SYT1: variants seen among roughly 807,000 people sequenced by gnomAD.
SYT1 encodes the protein synaptotagmin-1.
A neutral mutation model predicts 44.8 loss-of-function variants in SYT1; 8 were observed. The observed-to-expected ratio is 0.18, with a 90% CI of 0.10 to 0.32. The LOEUF is 0.32. Ranked by LOEUF, SYT1 falls within the 10% of genes least tolerant of loss-of-function variation. The probability of loss-of-function intolerance (pLI) is 1.00; values close to 1 mark genes in which losing one functional copy is unlikely to be tolerated. For synonymous variants in SYT1, 154 were observed against 188.8 expected (o/e 0.82, Z 1.51); for missense variants, 286 against 509.3 (o/e 0.56, Z 4.22).
chr12:79,314,792 AG>A (rs1881002130), intron 8 of SYT1, among the ~76,000 whole-genome samples: 2 of 152,212 alleles, frequency 1.3e-5, no homozygotes, highest in Non-Finnish European at 1.5e-5. Context: ...TTTTCATAAC[AG>A]CCAAAAAAGT....
chr12:79,443,407 C>T (rs563373045), intron 9 of SYT1, among the ~76,000 whole-genome samples: 5 of 152,306 alleles, frequency 3.3e-5, no homozygotes, highest in African/African-American at 9.6e-5. Flanking sequence ...TTTTCTCTTA[C>T]AGAGCACTCT....
intron 4 of SYT1, among the ~76,000 whole-genome samples, chr12:79,233,896 C>T (rs1286574813): frequency 6.6e-6 from 1 of 152,156 alleles, no homozygotes; most frequent in African/African-American, 2.4e-5. Context: ...GTCAGTTGTG[C>T]TGCTGTTATC....
At chr12:79,402,039 C>G (rs1885088536) in intron 9 of SYT1, among the ~76,000 whole-genome samples, 1 of 152,112 alleles carries the variant, frequency 6.6e-6, no homozygotes, top group Non-Finnish European at 1.5e-5. Context: ...CTGGGACTTA[C>G]TGATTGTGTA....
intron 3 of SYT1, among the ~76,000 whole-genome samples, chr12:79,187,754 T>C (rs2138436724): frequency 6.6e-6 from 1 of 152,228 alleles, no homozygotes; most frequent in East Asian, 1.9e-4. Context: ...AAAGAAGGCA[T>C]ATTTGGTAGT....
At chr12:79,402,597 G>A (rs1885110229) in intron 9 of SYT1, among the ~76,000 whole-genome samples, 1 of 151,992 alleles carries the variant, frequency 6.6e-6, no homozygotes, top group Non-Finnish European at 1.5e-5. Context: ...CCAGAGGCAG[G>A]AAAAAAACTG....
intron 8 of SYT1, among the ~76,000 whole-genome samples, chr12:79,326,281 T>G (rs1270247197): frequency 6.6e-6 from 1 of 152,238 alleles, no homozygotes; most frequent in African/African-American, 2.4e-5. Context: ...TCTTCCATGG[T>G]GTCAAAAGTA....
chr12:79,178,823 G>A (rs549376817), intron 3 of SYT1, among the ~76,000 whole-genome samples: 1 of 149,522 alleles, frequency 6.7e-6, no homozygotes, highest in African/African-American at 2.4e-5. Context: ...TATAGCCCAG[G>A]CTGGAGTGCG....
chr12:79,092,049 TTG>T (rs1348198112), intron 3 of SYT1, among the ~76,000 whole-genome samples: 2 of 151,890 alleles, frequency 1.3e-5, no homozygotes, highest in Non-Finnish European at 2.9e-5. Flanking sequence ...CACCCTCAAA[TTG>T]TGCCTGTAAT....
chr12:79,281,015 A>T (rs1017663574), intron 4 of SYT1, among the ~76,000 whole-genome samples: 11 of 151,792 alleles, frequency 7.2e-5, no homozygotes, highest in African/African-American at 9.7e-5. Context: ...ACTGGCATGG[A>T]TGCTGTGAAA....
chr12:78,959,276 A>C (rs954554372), intron 1 of SYT1, among the ~76,000 whole-genome samples: 3 of 152,166 alleles, frequency 2.0e-5, no homozygotes, highest in African/African-American at 7.2e-5. Context: ...AGATGTTCCA[A>C]AGTGTTGAAT....
chr12:79,216,245 A>AATTTCATT (rs1356892306), intron 3 of SYT1, among the ~76,000 whole-genome samples: 2 of 151,372 alleles, frequency 1.3e-5, no homozygotes, highest in African/African-American at 4.9e-5. Flanking sequence ...TTTCATTTTT[A>AATTTCATT]AAAAAATCTT....
At chr12:79,169,155 A>G (rs1871370507) in intron 3 of SYT1, among the ~76,000 whole-genome samples, 1 of 152,068 alleles carries the variant, frequency 6.6e-6, no homozygotes, top group African/African-American at 2.4e-5. Context: ...AGAACACTTT[A>G]CAGATATTAA....
At chr12:79,366,328 T>C (rs752250742) in intron 9 of SYT1, among the ~76,000 whole-genome samples, 8 of 152,250 alleles carry the variant, frequency 5.3e-5, no homozygotes, top group Non-Finnish European at 1.2e-4. Context: ...AAAGAGGCAG[T>C]GAATGTTTAT....
At chr12:79,292,568 T>C (rs558896746) in intron 6 of SYT1, among the ~76,000 whole-genome samples, 4 of 152,270 alleles carry the variant, frequency 2.6e-5, no homozygotes, top group African/African-American at 9.6e-5. Context: ...AATGATTTGA[T>C]AAGGGATCGA....
intron 4 of SYT1, among the ~76,000 whole-genome samples, chr12:79,221,511 T>G (rs968499793): frequency 3.3e-5 from 5 of 152,288 alleles, no homozygotes; most frequent in South Asian, 2.1e-4. Flanking sequence ...CCCTTGTGGC[T>G]AAATGATTTT....
At chr12:79,070,378 A>G (rs916265537) in intron 3 of SYT1, among the ~76,000 whole-genome samples, 1 of 152,128 alleles carries the variant, frequency 6.6e-6, no homozygotes, top group Admixed American at 6.6e-5. Context: ...GGACAAAGAA[A>G]GTCAGATTAT....
chr12:79,013,716 C>G (rs985853200), intron 2 of SYT1, among the ~76,000 whole-genome samples: 2 of 152,134 alleles, frequency 1.3e-5, no homozygotes, highest in Non-Finnish European at 2.9e-5. Flanking sequence ...TATAAAGCCA[C>G]TTTTATTCTA....
chr12:79,149,975 G>A (rs1184978732), intron 3 of SYT1, among the ~76,000 whole-genome samples: 2 of 151,990 alleles, frequency 1.3e-5, no homozygotes, highest in Admixed American at 6.6e-5. Flanking sequence ...GGTCTGAAAC[G>A]GTGTTTTGTT....
At position 79,339,825 on chromosome 12, in the gene SYT1, G is replaced by C. The variant is rs371245200; in HGVS notation, c.811-13677G>C. ...TAGGTCTAACATTTAAGTCTTTAATGCATCTTGAATTAATTTTTGTATAAG... is the reference window on the plus strand; with the variant it reads ...TAGGTCTAACATTTAAGTCTTTAATCCATCTTGAATTAATTTTTGTATAAG... On this transcript the variant is annotated intron_variant, in intron 8 of 10. Transcript: ENST00000261205. Among the ~76,000 whole-genome samples the C allele has an allele frequency of 4.6e-5, 7 of 152,164 alleles. 1 individual carries two copies. Among genetic ancestry groups the C allele is most frequent in the Admixed American group, 3.3e-4 (5 of 15,284 alleles).
Sources: gnomAD v4.1 joint callset for allele counts (sites outside exome capture counted in the v4.1 genomes callset) on GRCh38, gnomAD v4.1.1 for gene constraint, MANE v1.5 for transcripts, NCBI Gene and HGNC (gene_info 2026-07-23, HGNC 2026-07-21) for gene names.